The following ADAMTS12 variants were observed in gnomAD, a reference collection of about 807,000 sequenced individuals.
ADAMTS12 encodes the protein A disintegrin and metalloproteinase with thrombospondin motifs 12.
In ADAMTS12, 118 loss-of-function variants were observed where a neutral mutation model predicts 167.8. That is an observed-to-expected ratio of 0.70 (90% CI 0.61 to 0.82). The LOEUF is 0.82. ADAMTS12 is among the 40% of genes least tolerant of loss of function. The probability of loss-of-function intolerance (pLI) is 0.00; values close to 1 mark genes in which losing one functional copy is unlikely to be tolerated. For missense variants in ADAMTS12, 1,916 were observed against 1,998.8 expected, an observed-to-expected ratio of 0.96 and a Z score of 0.79; for synonymous variants, 704 against 716.9, an observed-to-expected ratio of 0.98 and a Z score of 0.29.
At chr5:33,715,565 G>C (rs1323080910) in intron 3 of ADAMTS12, among the ~76,000 whole-genome samples, 2 of 152,130 alleles carry the variant, frequency 1.3e-5, no homozygotes, top group African/African-American at 4.8e-5. Flanking sequence ...TGCAATCCTA[G>C]ATTCTTTACA....
chr5:33,814,798 C>T (rs1202301190), intron 2 of ADAMTS12, among the ~76,000 whole-genome samples: 1 of 152,166 alleles, frequency 6.6e-6, no homozygotes, highest in Non-Finnish European at 1.5e-5. Flanking sequence ...AATGATAAGT[C>T]AACTCAGGAC....
At chr5:33,532,220 T>G (rs945710705) in intron 23 of ADAMTS12, among the ~76,000 whole-genome samples, 3 of 152,200 alleles carry the variant, frequency 2.0e-5, no homozygotes, top group Non-Finnish European at 4.4e-5. Context: ...CCAAAGAAGC[T>G]TGAAAAACAA....
chr5:33,626,522 ATGG>A (rs1422712213), intron 13 of ADAMTS12, among the ~76,000 whole-genome samples: 1 of 125,744 alleles, frequency 8.0e-6, no homozygotes, highest in Admixed American at 7.9e-5. Flanking sequence ...TAATGTGGTA[ATGG>A]TGGTGGTGAT....
At chr5:33,679,473 G>C (rs1742031854) in intron 5 of ADAMTS12, among the ~76,000 whole-genome samples, 1 of 152,140 alleles carries the variant, frequency 6.6e-6, no homozygotes, top group Non-Finnish European at 1.5e-5. Flanking sequence ...GCCAAGCAGA[G>C]GGGGAAGAGC....
intron 19 of ADAMTS12, among the ~76,000 whole-genome samples, chr5:33,572,558 C>G (rs1746418505): frequency 7.1e-6 from 1 of 140,390 alleles, no homozygotes; most frequent in Non-Finnish European, 1.5e-5. Context: ...AGCCTTCATG[C>G]TAAAAACTCT....
At chr5:33,740,912 T>A (rs1744549472) in intron 3 of ADAMTS12, among the ~76,000 whole-genome samples, 1 of 152,234 alleles carries the variant, frequency 6.6e-6, no homozygotes, top group African/African-American at 2.4e-5. Flanking sequence ...CGTGCTCCAC[T>A]GTCTCCTCAG....
At chr5:33,822,373 A>C (rs1245178461) in intron 2 of ADAMTS12, among the ~76,000 whole-genome samples, 1 of 152,144 alleles carries the variant, frequency 6.6e-6, no homozygotes, top group East Asian at 1.9e-4. Flanking sequence ...TGGGAGGAAG[A>C]CTTTAGTTCT....
At chr5:33,684,999 A>G (rs2112265289) in intron 3 of ADAMTS12, among the ~76,000 whole-genome samples, 1 of 152,362 alleles carries the variant, frequency 6.6e-6, no homozygotes, top group East Asian at 1.9e-4. Flanking sequence ...CAGTGGGCTC[A>G]GAATGGCTTA....
intron 3 of ADAMTS12, among the ~76,000 whole-genome samples, chr5:33,693,977 A>G (rs1271831649): frequency 1.3e-5 from 2 of 152,200 alleles, no homozygotes; most frequent in Non-Finnish European, 2.9e-5. Flanking sequence ...TACAAAATCA[A>G]TGTACAAAGT....
At chr5:33,792,800 T>C (rs1746626441) in intron 2 of ADAMTS12, among the ~76,000 whole-genome samples, 1 of 152,280 alleles carries the variant, frequency 6.6e-6, no homozygotes, top group Admixed American at 6.5e-5. Flanking sequence ...GTGAGCAGAG[T>C]GTGAGCCGAA....
chr5:33,785,802 T>C (rs1409188436), intron 2 of ADAMTS12, among the ~76,000 whole-genome samples: 2 of 152,210 alleles, frequency 1.3e-5, no homozygotes, highest in Non-Finnish European at 2.9e-5. Flanking sequence ...AAGCAAACAA[T>C]TCCAATCCTA....
At chr5:33,787,038 G>A (rs1746355399) in intron 2 of ADAMTS12, among the ~76,000 whole-genome samples, 1 of 152,122 alleles carries the variant, frequency 6.6e-6, no homozygotes, top group African/African-American at 2.4e-5. Context: ...TGGATGCCTA[G>A]ATGTGGTCCT....
intron 14 of ADAMTS12, among the ~76,000 whole-genome samples, chr5:33,618,241 T>C (rs902331385): frequency 1.3e-5 from 2 of 152,194 alleles, no homozygotes; most frequent in African/African-American, 4.8e-5. Flanking sequence ...ACCTTCATCC[T>C]TGTTGTCTTC....
chr5:33,637,860 C>T, intron 11 of ADAMTS12, 114 bp from the exon 12 acceptor site: 1 of 1,116,220 alleles, frequency 9.0e-7, no homozygotes, highest in East Asian at 2.6e-5. Flanking sequence ...GCCCTCAAAA[C>T]TTACCTTTTA....
At chr5:33,852,660 G>T (rs370975644) in intron 2 of ADAMTS12, among the ~76,000 whole-genome samples, 1 of 152,154 alleles carries the variant, frequency 6.6e-6, no homozygotes, top group African/African-American at 2.4e-5. Context: ...GAAACGGTCT[G>T]GTAGGAAGCA....
chr5:33,721,160 G>A (rs1343231660), intron 3 of ADAMTS12, among the ~76,000 whole-genome samples: 1 of 152,128 alleles, frequency 6.6e-6, no homozygotes, highest in Non-Finnish European at 1.5e-5. Context: ...CACCAAAAAG[G>A]CCAAACTAAT....
intron 13 of ADAMTS12, among the ~76,000 whole-genome samples, chr5:33,629,133 G>C (rs759457385): frequency 6.6e-6 from 1 of 152,164 alleles, no homozygotes; most frequent in African/African-American, 2.4e-5. Flanking sequence ...TGCAGCTAGG[G>C]CTGAGGACTT....
At chr5:33,871,663 T>C (rs1030240) in intron 2 of ADAMTS12, among the ~76,000 whole-genome samples, 4,545 of 151,942 alleles carry the variant, frequency 0.03, 192 homozygotes, top group East Asian at 0.2. Flanking sequence ...CAGTTAAAGA[T>C]AGAAAAAATA....
chr5:33,842,759 T>C (rs1228010625), intron 2 of ADAMTS12, among the ~76,000 whole-genome samples: 2 of 152,136 alleles, frequency 1.3e-5, no homozygotes, highest in Non-Finnish European at 2.9e-5. Context: ...AGAAGACCCC[T>C]GGACACCAGG....
Sources: gnomAD v4.1 joint callset for allele counts (sites outside exome capture counted in the v4.1 genomes callset) on GRCh38, gnomAD v4.1.1 for gene constraint, MANE v1.5 for transcripts, NCBI Gene and HGNC (gene_info 2026-07-23, HGNC 2026-07-21) for gene names.